The following CSMD1 variants were observed in gnomAD, a reference collection of about 807,000 sequenced individuals.
CSMD1 encodes CUB and sushi domain-containing protein 1.
Under a neutral mutation model 417.5 loss-of-function variants are expected in CSMD1, and 213 were observed. That is an observed-to-expected ratio of 0.51 (90% CI 0.46 to 0.57). The LOEUF (loss-of-function observed/expected upper bound fraction) is 0.57. CSMD1 is among the 20% of genes least tolerant of loss of function. CSMD1 has a pLI of 0.00. For synonymous variants in CSMD1, 2,862 were observed against 1,736.8 expected, an observed-to-expected ratio of 1.65 and a Z score of -16.11; for missense variants, 6,923 against 4,529.7, an observed-to-expected ratio of 1.53 and a Z score of -15.17.
intron 1 of CSMD1, among the ~76,000 whole-genome samples, chr8:4,767,404 G>C (rs777826841): frequency 1.2e-4 from 19 of 152,140 alleles, no homozygotes; most frequent in Non-Finnish European, 1.6e-4. Flanking sequence ...TCTGGTACCT[G>C]TGCACTATCA....
intron 20 of CSMD1, among the ~76,000 whole-genome samples, chr8:3,365,847 G>A (rs772845121): frequency 1.3e-4 from 20 of 152,268 alleles, no homozygotes; most frequent in Admixed American, 7.8e-4. Context: ...GTCGATCCCC[G>A]CACAGTGGAA....
At chr8:4,705,471 G>T (rs1807872619) in intron 1 of CSMD1, among the ~76,000 whole-genome samples, 1 of 152,126 alleles carries the variant, frequency 6.6e-6, no homozygotes, top group Non-Finnish European at 1.5e-5. Flanking sequence ...TAGTCTTCCT[G>T]CTGTGTACAA....
intron 20 of CSMD1, among the ~76,000 whole-genome samples, chr8:3,363,585 T>C (rs948712170): frequency 4.6e-5 from 7 of 152,090 alleles, no homozygotes; most frequent in African/African-American, 1.7e-4. Context: ...TGGAGTGCAG[T>C]GGCGCGATCT....
At chr8:3,801,196 T>C (rs919777583) in intron 5 of CSMD1, among the ~76,000 whole-genome samples, 1 of 150,904 alleles carries the variant, frequency 6.6e-6, no homozygotes, top group Non-Finnish European at 1.5e-5. Context: ...GAGAAAATAT[T>C]TGCAAATACT....
At chr8:4,391,559 C>T (rs927804065) in intron 3 of CSMD1, among the ~76,000 whole-genome samples, 4 of 152,024 alleles carry the variant, frequency 2.6e-5, no homozygotes, top group Non-Finnish European at 5.9e-5. Flanking sequence ...GTAGGTAAGA[C>T]TTGGCCAGTG....
chr8:4,769,398 A>G (rs915340168), intron 1 of CSMD1, among the ~76,000 whole-genome samples: 3 of 152,310 alleles, frequency 2.0e-5, no homozygotes, highest in African/African-American at 7.2e-5. Context: ...AAACAAGTGC[A>G]ATTTTACTAT....
At chr8:4,629,493 G>C (rs1393610986) in intron 2 of CSMD1, among the ~76,000 whole-genome samples, 2 of 152,148 alleles carry the variant, frequency 1.3e-5, no homozygotes, top group Non-Finnish European at 2.9e-5. Flanking sequence ...TGTAGCTCTA[G>C]AAGTGCATCT....
intron 3 of CSMD1, among the ~76,000 whole-genome samples, chr8:4,136,823 A>G (rs1249507861): frequency 6.6e-6 from 1 of 152,212 alleles, no homozygotes; most frequent in Non-Finnish European, 1.5e-5. Context: ...GGATCCTGAC[A>G]TCCAAATGTT....
At chr8:3,700,833 G>C (rs1009724047) in intron 7 of CSMD1, among the ~76,000 whole-genome samples, 1 of 152,214 alleles carries the variant, frequency 6.6e-6, no homozygotes, top group South Asian at 2.1e-4. Flanking sequence ...TAAGGAATTT[G>C]GACTCGTTCT....
At chr8:3,690,402 T>C (rs370695974) in intron 7 of CSMD1, among the ~76,000 whole-genome samples, 1 of 152,232 alleles carries the variant, frequency 6.6e-6, no homozygotes, top group Non-Finnish European at 1.5e-5. Flanking sequence ...TTTGCCAGCC[T>C]TTGATAAAAT....
intron 12 of CSMD1, among the ~76,000 whole-genome samples, chr8:3,410,966 T>C (rs548992390): frequency 1.6e-4 from 24 of 152,168 alleles, no homozygotes; most frequent in African/African-American, 5.3e-4. Flanking sequence ...TGAAGGAAGA[T>C]GGCAATCAGC....
At chr8:3,793,328 T>C (rs1392145187) in intron 5 of CSMD1, among the ~76,000 whole-genome samples, 1 of 152,228 alleles carries the variant, frequency 6.6e-6, no homozygotes, top group Non-Finnish European at 1.5e-5. Context: ...TTTATGCAGC[T>C]AGAATGTCCA....
chr8:4,309,883 C>G (rs1798464242), intron 3 of CSMD1, among the ~76,000 whole-genome samples: 1 of 152,142 alleles, frequency 6.6e-6, no homozygotes, highest in African/African-American at 2.4e-5. Flanking sequence ...TTCAGAGGGT[C>G]TTACATGTGC....
chr8:4,459,645 C>A (rs552817551), intron 2 of CSMD1, among the ~76,000 whole-genome samples: 1 of 152,272 alleles, frequency 6.6e-6, no homozygotes, highest in East Asian at 1.9e-4. Flanking sequence ...AACCTCAAAG[C>A]CTGGCCTCAA....
chr8:3,363,714 G>A (rs1185976446), intron 20 of CSMD1, among the ~76,000 whole-genome samples: 1 of 152,114 alleles, frequency 6.6e-6, no homozygotes, highest in Non-Finnish European at 1.5e-5. Context: ...AATCACATAT[G>A]TAATGGCACA....
At chr8:4,079,667 G>A (rs981539633) in intron 3 of CSMD1, among the ~76,000 whole-genome samples, 2 of 152,132 alleles carry the variant, frequency 1.3e-5, no homozygotes, top group Non-Finnish European at 2.9e-5. Flanking sequence ...CGTTCTTGTG[G>A]GTTCACATTA....
At chr8:4,441,679 A>C (rs1001539908) in intron 2 of CSMD1, among the ~76,000 whole-genome samples, 1 of 152,162 alleles carries the variant, frequency 6.6e-6, no homozygotes, top group African/African-American at 2.4e-5. Flanking sequence ...AAATATTTAC[A>C]GGTATCTTTC....
intron 2 of CSMD1, among the ~76,000 whole-genome samples, chr8:4,566,258 T>C (rs906236265): frequency 2.6e-5 from 4 of 152,096 alleles, no homozygotes; most frequent in African/African-American, 9.7e-5. Context: ...AAAACACTGG[T>C]ACCTGGCACC....
chr8:4,899,139 G>A (rs896846011), intron 1 of CSMD1, among the ~76,000 whole-genome samples: 1 of 152,096 alleles, frequency 6.6e-6, no homozygotes, highest in Non-Finnish European at 1.5e-5. Flanking sequence ...CGTATCAATA[G>A]GCAAATTGAG....
Sources: allele counts gnomAD v4.1 joint callset (sites outside exome capture counted in the v4.1 genomes callset), GRCh38; gene constraint gnomAD v4.1.1; transcripts MANE v1.5; gene names NCBI Gene and HGNC (gene_info 2026-07-23, HGNC 2026-07-21).